The following OSBPL9 variants were observed in gnomAD, a reference collection of about 807,000 sequenced individuals.
OSBPL9 encodes oxysterol-binding protein-related protein 9.
A neutral mutation model predicts 106.6 loss-of-function variants in OSBPL9; 40 were observed. That is an observed-to-expected ratio of 0.38 (90% CI 0.29 to 0.49). The LOEUF (loss-of-function observed/expected upper bound fraction) is 0.49. Among genes scored for constraint, OSBPL9 ranks in the 20% least tolerant of loss-of-function variants. The pLI is 0.97. For synonymous variants in OSBPL9, 269 were observed against 295.4 expected, an observed-to-expected ratio of 0.91 and a Z score of 0.92; for missense variants, 609 against 887.2, an observed-to-expected ratio of 0.69 and a Z score of 3.98.
intron 3 of OSBPL9, among the ~76,000 whole-genome samples, chr1:51,710,458 T>G (rs2148880999): frequency 6.6e-6 from 1 of 152,368 alleles, no homozygotes; most frequent in East Asian, 1.9e-4. Context: ...AGCCACATAC[T>G]TATAATTTCT....
intron 2 of OSBPL9, among the ~76,000 whole-genome samples, chr1:51,610,247 G>T (rs1245847319): frequency 1.4e-5 from 2 of 138,524 alleles, no homozygotes; most frequent in African/African-American, 3.3e-5. Context: ...ACTGATATTT[G>T]TTGTTGTTGT....
intron 3 of OSBPL9, among the ~76,000 whole-genome samples, chr1:51,671,580 C>T (rs1649882356): frequency 6.6e-6 from 1 of 152,082 alleles, no homozygotes; most frequent in Non-Finnish European, 1.5e-5. Context: ...TTCCTTGCCC[C>T]TTGAGTCATC....
intron 11 of OSBPL9, among the ~76,000 whole-genome samples, chr1:51,764,543 A>C (rs1284773625): frequency 3.3e-5 from 5 of 151,258 alleles, no homozygotes; most frequent in African/African-American, 1.2e-4. Flanking sequence ...TGAACCATAC[A>C]TATAGGAATG....
chr1:51,709,073 C>G (rs1240312252), intron 3 of OSBPL9: 2 of 152,282 alleles, frequency 1.3e-5, no homozygotes, highest in Non-Finnish European at 2.9e-5. Context: ...CAGGATGGAA[C>G]AGGCCACACT....
chr1:51,531,990 G>A, the OSBPL9 span, among the ~76,000 whole-genome samples: 1 of 152,198 alleles, frequency 6.6e-6, no homozygotes, highest in Non-Finnish European at 1.5e-5. Context: ...AAGGAGCAAG[G>A]AAGGAAGGAG....
In OSBPL9 at chr1:51,782,630, C is replaced by A; in HGVS notation, c.1500C>A (p.Ser500=). 6.2e-7 allele frequency: 1 copy of A among 1,613,722 alleles called. No individual in the cohort carries two copies. The highest frequency in any genetic ancestry group is 8.5e-7 in the Non-Finnish European group (1 of 1,179,746). Residue 500 remains serine, a synonymous_variant, in exon 17 of 24, where the codon TCC becomes TCA. Transcript: ENST00000428468. ...TAACATTTGTGGCTGAGCAGGTTTCCCATCATCCACCCAGTAAGTTACAGA... is the reference window on the plus strand; with the variant it reads ...TAACATTTGTGGCTGAGCAGGTTTCACATCATCCACCCAGTAAGTTACAGA... ...NSVTFVAEQV[S]HHPPISAFYA... is the part of the protein sequence containing the mutation.
intron 4 of OSBPL9, chr1:51,740,006 G>A: frequency 8.7e-6 from 8 of 916,094 alleles, no homozygotes; most frequent in Non-Finnish European, 1.3e-5. Flanking sequence ...TTTTTAACTT[G>A]CCACTTGCTG....
At chr1:51,647,233 T>G (rs565212453) in intron 1 of OSBPL9, among the ~76,000 whole-genome samples, 164 of 152,316 alleles carry the variant, frequency 1.1e-3, no homozygotes, top group African/African-American at 3.6e-3. Context: ...TATTGATTGT[T>G]TCTTATACGT....
the OSBPL9 span, among the ~76,000 whole-genome samples, chr1:51,551,721 G>C: frequency 6.6e-6 from 1 of 152,004 alleles, no homozygotes; most frequent in East Asian, 1.9e-4. Context: ...TGAGTAGCTG[G>C]GACTACAGGC....
the OSBPL9 span, chr1:51,560,771 G>A: frequency 3.9e-5 from 6 of 152,268 alleles, no homozygotes; most frequent in African/African-American, 1.4e-4. Context: ...CAGAGAGAGG[G>A]AAGCTGGGTC....
the OSBPL9 span, among the ~76,000 whole-genome samples, chr1:51,558,202 C>T: frequency 9.1e-4 from 138 of 152,104 alleles, 1 homozygote; most frequent in East Asian, 0.026. Context: ...ATGGTGTGAA[C>T]CCGGGAGGCG....
Position 51,748,349 on chromosome 1 carries a change from A to C in OSBPL9, c.463-20A>C. On this transcript the variant is annotated intron_variant, in intron 6 of 23. Coordinates refer to ENST00000428468, the MANE Select transcript of OSBPL9 (RefSeq NM_024586.6). ...TTTGTGCTTCTGATTATTTCTGTTT[A>C]AACTTATTATTTTTCACAGAAAATT... The C allele has an allele frequency of 2.6e-6, 4 of 1,518,842 alleles. No homozygotes were observed. The highest frequency in any genetic ancestry group is 3.5e-6 in the Non-Finnish European group (4 of 1,143,696). 94.1% of individuals were successfully genotyped at this position (1,518,842 alleles called of 1,614,324 possible). A position where few individuals can be genotyped will look rare whatever the true frequency, so the allele number is the denominator to read the frequency against.
At chr1:51,706,352 C>T (rs1316079790) in intron 3 of OSBPL9, among the ~76,000 whole-genome samples, 1 of 151,946 alleles carries the variant, frequency 6.6e-6, no homozygotes, top group Non-Finnish European at 1.5e-5. Flanking sequence ...TAATATTTTC[C>T]ACTTAATTAA....
At chr1:51,694,526 G>C (rs1655627928) in intron 3 of OSBPL9, among the ~76,000 whole-genome samples, 1 of 152,186 alleles carries the variant, frequency 6.6e-6, no homozygotes, top group Admixed American at 6.5e-5. Flanking sequence ...TTAAAGTTTA[G>C]TTGCAATGTG....
At chr1:51,662,706 T>C (rs1466107967) in intron 2 of OSBPL9, among the ~76,000 whole-genome samples, 4 of 151,358 alleles carry the variant, frequency 2.6e-5, no homozygotes, top group Non-Finnish European at 5.9e-5. Context: ...TCTAGCAAGA[T>C]AAGCAGATAC....
chr1:51,739,172 A>G (rs1439279376), intron 4 of OSBPL9, among the ~76,000 whole-genome samples: 1 of 152,032 alleles, frequency 6.6e-6, no homozygotes, highest in Non-Finnish European at 1.5e-5. Context: ...TTCTGTCATT[A>G]ATTCCTTTTA....
chr1:51,608,042 G>A (rs530080942), intron 2 of OSBPL9, among the ~76,000 whole-genome samples: 186 of 152,340 alleles, frequency 1.2e-3, no homozygotes, highest in African/African-American at 4.3e-3. Flanking sequence ...TGGGCGGGCC[G>A]CATACACTGT....
the OSBPL9 span, among the ~76,000 whole-genome samples, chr1:51,559,327 T>A: frequency 2.6e-5 from 4 of 152,174 alleles, no homozygotes; most frequent in African/African-American, 9.6e-5. Context: ...GTAGGACCTG[T>A]GAGTGTCAGA....
the OSBPL9 span, among the ~76,000 whole-genome samples, chr1:51,519,659 G>A: frequency 6.6e-6 from 1 of 152,176 alleles, no homozygotes; most frequent in South Asian, 2.1e-4. Flanking sequence ...GACTAAATGA[G>A]ATAATGATAG....
Sources: gnomAD v4.1 joint callset for allele counts (sites outside exome capture counted in the v4.1 genomes callset) on GRCh38, gnomAD v4.1.1 for gene constraint, MANE v1.5 for transcripts, NCBI Gene and HGNC (gene_info 2026-07-23, HGNC 2026-07-21) for gene names.